GRAMD1C: variants seen among roughly 807,000 people sequenced by gnomAD.
The protein encoded by GRAMD1C is GRAM domain containing 1C.
A neutral mutation model predicts 97.8 loss-of-function variants in GRAMD1C; 89 were observed. The ratio of observed to expected loss-of-function variants is 0.91; its 90% CI spans 0.77 to 1.09. The LOEUF is 1.09. Among genes scored for constraint, GRAMD1C ranks in the 50% least tolerant of loss-of-function variants. GRAMD1C has a pLI of 0.00. For missense variants in GRAMD1C, 740 were observed against 766.4 expected, an observed-to-expected ratio of 0.97 and a Z score of 0.41; for synonymous variants, 256 against 267.0, an observed-to-expected ratio of 0.96 and a Z score of 0.40.
chr3:113,890,639 T>C lies in GRAMD1C; in HGVS notation c.540+7807T>C. 3 of 642,446 alleles carry C rather than the reference T, an allele frequency of 4.7e-6. No individual in the cohort carries two copies. The South Asian group carries it at 5.5e-5, about 12-fold the overall frequency. 39.8% of individuals were successfully genotyped at this position (642,446 alleles called of 1,614,324 possible). On this transcript the variant is annotated intron_variant, in intron 6 of 17. Coordinates refer to ENST00000358160, the MANE Select transcript of GRAMD1C (RefSeq NM_017577.5). ...CCCCAAATACTAACTTGTTGAGTGC[T>C]CAGAATCCGTGAGGTGCATTCTCTC...
chr3:113,924,343 T>C (rs1020450489), intron 10 of GRAMD1C, among the ~76,000 whole-genome samples: 2 of 152,218 alleles, frequency 1.3e-5, no homozygotes, highest in Non-Finnish European at 2.9e-5. Context: ...CTTGTTTTTC[T>C]AGTTCCTCTA....
chr3:113,834,966 A>G (rs867387189), upstream of GRAMD1C, among the ~76,000 whole-genome samples: 28 of 148,020 alleles, frequency 1.9e-4, no homozygotes, highest in Middle Eastern at 3.5e-3. Flanking sequence ...AGACACTGAT[A>G]TTTCCTTTTC....
intron 2 of GRAMD1C, among the ~76,000 whole-genome samples, chr3:113,849,072 T>G (rs1008137833): frequency 2.0e-5 from 3 of 152,030 alleles, no homozygotes; most frequent in Non-Finnish European, 4.4e-5. Flanking sequence ...TGGATTAAGA[T>G]CCCAGAGGCA....
chr3:113,911,397 A>AAC (rs967017687), intron 9 of GRAMD1C, among the ~76,000 whole-genome samples: 14 of 151,888 alleles, frequency 9.2e-5, no homozygotes, highest in Non-Finnish European at 4.4e-5. Flanking sequence ...AACATGCACC[A>AAC]CCACGCCCAG....
intron 4 of GRAMD1C, chr3:113,875,872 T>C (rs1048166491): frequency 9.8e-6 from 4 of 408,402 alleles, no homozygotes; most frequent in Admixed American, 8.2e-5. Flanking sequence ...AGTGACAGAC[T>C]GTCTGATTTT....
At chr3:113,835,794 T>C (rs914434091), upstream of GRAMD1C, among the ~76,000 whole-genome samples, 1 of 152,238 alleles carries the variant, frequency 6.6e-6, no homozygotes, top group Non-Finnish European at 1.5e-5. Context: ...GCCTTCTTTT[T>C]GTCTTACTCT....
intron 9 of GRAMD1C, 138 bp from the exon 10 acceptor site, chr3:113,915,563 T>C (rs1936779474): frequency 1.6e-6 from 1 of 618,966 alleles, no homozygotes; most frequent in East Asian, 2.8e-5. Context: ...TGTCCTAGAA[T>C]GTTCTCCTCA....
chr3:113,881,065 C>G (rs1935239474), intron 5 of GRAMD1C, among the ~76,000 whole-genome samples: 1 of 152,026 alleles, frequency 6.6e-6, no homozygotes, highest in African/African-American at 2.4e-5. Context: ...GTTCTATGCC[C>G]CAGCGACTTA....
At chr3:113,855,546 A>G (rs1213143131) in intron 2 of GRAMD1C, among the ~76,000 whole-genome samples, 1 of 151,708 alleles carries the variant, frequency 6.6e-6, no homozygotes, top group Non-Finnish European at 1.5e-5. Flanking sequence ...TCTAATAAAA[A>G]TAAAAAAAAT....
At chr3:113,838,756 G>C, upstream of GRAMD1C, 1 of 426,528 alleles carries the variant, frequency 2.3e-6, no homozygotes, top group Non-Finnish European at 3.9e-6. Context: ...CTTCACGGCC[G>C]CCAGAGGGCG....
At chr3:113,938,409 T>C in intron 15 of GRAMD1C, 1 of 275,102 alleles carries the variant, frequency 3.6e-6, no homozygotes, top group Admixed American at 5.4e-5. Context: ...ATTTCTATCA[T>C]CATAGGTTTT....
Position 113,859,151 on chromosome 3 carries a change from C to A in GRAMD1C, c.175-10356C>A, listed in dbSNP as rs562738833. 2.2e-4 allele frequency among the ~76,000 whole-genome samples: 33 copies of A among 151,798 alleles called. 1 individual carries two copies. The highest frequency in any genetic ancestry group is 4.1e-4 in the Non-Finnish European group (28 of 67,956). ...TATTTTACTCTTTCTCTTCTAAGTTCTTGAGTTGGATGCTTAGATTATTTC... is the reference window on the plus strand; with the variant it reads ...TATTTTACTCTTTCTCTTCTAAGTTATTGAGTTGGATGCTTAGATTATTTC... On this transcript the variant is annotated intron_variant, in intron 2 of 17. Transcript: ENST00000358160.
rs566721861 is a variant in GRAMD1C, at chr3:113,851,422, A to T, written c.174+6773A>T. ...TTTAAGAATAAACAGATTTTCAACC[A>T]TTATCTACATATATGCAAATAATAA... On this transcript the variant is annotated intron_variant, in intron 2 of 17. Coordinates refer to ENST00000358160, the MANE Select transcript of GRAMD1C (RefSeq NM_017577.5). 4.6e-5 allele frequency among the ~76,000 whole-genome samples: 7 copies of T among 152,198 alleles called. No individual in the cohort carries two copies. In the South Asian group the frequency reaches 1.5e-3, roughly 32 times the overall value.
intron 3 of GRAMD1C, among the ~76,000 whole-genome samples, chr3:113,872,391 C>CTTTTTTTTTTTT (rs777339692): frequency 4.7e-4 from 55 of 117,454 alleles, no homozygotes; most frequent in African/African-American, 1.0e-3. Flanking sequence ...TCTTTTTTTT[C>CTTTTTTTTTTTT]TTTTTTTTTT....
intron 6 of GRAMD1C, among the ~76,000 whole-genome samples, chr3:113,895,702 T>A (rs542331080): frequency 1.3e-5 from 2 of 152,304 alleles, no homozygotes; most frequent in African/African-American, 4.8e-5. Context: ...TCCCTCTTTT[T>A]TACCTTCTTG....
chr3:113,928,879 A>G (rs1256693362), intron 10 of GRAMD1C, among the ~76,000 whole-genome samples: 2 of 152,186 alleles, frequency 1.3e-5, no homozygotes, highest in Non-Finnish European at 2.9e-5. Context: ...TCCATTAATG[A>G]CATCTGGGTT....
chr3:113,835,913 C>T (rs980025971), upstream of GRAMD1C, among the ~76,000 whole-genome samples: 2 of 152,272 alleles, frequency 1.3e-5, no homozygotes, highest in Middle Eastern at 6.8e-3. Context: ...GGAAACCTGT[C>T]TTTTACTGAT....
At chr3:113,836,190 G>A (rs148409506), upstream of GRAMD1C, among the ~76,000 whole-genome samples, 609 of 152,202 alleles carry the variant, frequency 4.0e-3, 8 homozygotes, top group South Asian at 0.031. Flanking sequence ...CTTAAACCTG[G>A]GAGGCAGAGG....
chr3:113,842,778 C>T (rs1457277272), intron 1 of GRAMD1C, among the ~76,000 whole-genome samples: 1 of 152,040 alleles, frequency 6.6e-6, no homozygotes. Context: ...GCCTGGCCAA[C>T]ATGGTGAAAC....
Sources: gnomAD v4.1 joint callset for allele counts (sites outside exome capture counted in the v4.1 genomes callset) on GRCh38, gnomAD v4.1.1 for gene constraint, MANE v1.5 for transcripts, NCBI Gene and HGNC (gene_info 2026-07-23, HGNC 2026-07-21) for gene names.